LRRFIP2: variants seen among roughly 807,000 people sequenced by gnomAD.
LRRFIP2 encodes the protein LRR binding FLII interacting protein 2.
A neutral mutation model predicts 125.9 loss-of-function variants in LRRFIP2; 109 were observed. The ratio of observed to expected loss-of-function variants is 0.87; its 90% CI spans 0.74 to 1.01. LRRFIP2 has a LOEUF of 1.01. LRRFIP2 is among the 50% of genes least tolerant of loss of function. LRRFIP2 has a pLI of 0.00. For synonymous variants in LRRFIP2, 291 were observed against 293.1 expected, an observed-to-expected ratio of 0.99 and a Z score of 0.07; for missense variants, 850 against 862.3, an observed-to-expected ratio of 0.99 and a Z score of 0.18.
chr3:37,082,837 T>C (rs985545313), intron 19 of LRRFIP2, among the ~76,000 whole-genome samples: 2 of 152,232 alleles, frequency 1.3e-5, no homozygotes, highest in South Asian at 2.1e-4. Flanking sequence ...CTACAGGTTA[T>C]ATAAACAGCT....
intron 2 of LRRFIP2, among the ~76,000 whole-genome samples, chr3:37,146,923 C>T (rs1236627769): frequency 1.3e-5 from 2 of 151,916 alleles, no homozygotes. Flanking sequence ...TCAGAGTGAA[C>T]AGACAAGCTA....
chr3:37,114,931 G>T, intron 7 of LRRFIP2, 123 bp downstream of exon 7: 2 of 713,056 alleles, frequency 2.8e-6, no homozygotes, highest in South Asian at 1.9e-5. Context: ...TGCTTTGTTA[G>T]TCACACATTT....
At chr3:37,091,062 T>A (rs1294371711) in intron 18 of LRRFIP2, among the ~76,000 whole-genome samples, 1 of 152,162 alleles carries the variant, frequency 6.6e-6, no homozygotes. Flanking sequence ...CGGATATGCA[T>A]GTATTTTACA....
At chr3:37,154,170 T>C (rs966297685) in intron 1 of LRRFIP2, among the ~76,000 whole-genome samples, 5 of 152,110 alleles carry the variant, frequency 3.3e-5, no homozygotes, top group Non-Finnish European at 4.4e-5. Flanking sequence ...AGGGAGACCC[T>C]GTCTCAAAAA....
At chr3:37,130,826 A>G (rs2095409377) in intron 2 of LRRFIP2, among the ~76,000 whole-genome samples, 1 of 152,230 alleles carries the variant, frequency 6.6e-6, no homozygotes. Flanking sequence ...GAAGCCACAC[A>G]GTGCTTCCTT....
At chr3:37,058,965 T>C (rs2087726628) in intron 24 of LRRFIP2, 55 bp from the exon 25 acceptor site, 2 of 1,606,498 alleles carry the variant, frequency 1.2e-6, no homozygotes, top group African/African-American at 1.3e-5. Context: ...ATGAAGCCGA[T>C]GCTTATTCTA....
intron 21 of LRRFIP2, among the ~76,000 whole-genome samples, chr3:37,072,360 G>A (rs964632377): frequency 1.3e-5 from 2 of 151,894 alleles, no homozygotes; most frequent in African/African-American, 4.8e-5. Flanking sequence ...AAATTAGCTG[G>A]GCATGGTTGT....
intron 6 of LRRFIP2, 119 bp downstream of exon 6, chr3:37,121,373 T>C (rs75741550): frequency 0.044 from 40,231 of 904,836 alleles, 1,002 homozygotes; most frequent in Non-Finnish European, 0.045. Flanking sequence ...TTGCCAATAT[T>C]TTATACTTCT....
At chr3:37,094,432 C>T (rs976134283) in intron 17 of LRRFIP2, among the ~76,000 whole-genome samples, 4 of 152,178 alleles carry the variant, frequency 2.6e-5, no homozygotes, top group African/African-American at 4.8e-5. Flanking sequence ...GCTCAAAAGA[C>T]TAATAATTCC....
At chr3:37,163,380 T>C (rs2150280539) in intron 1 of LRRFIP2, among the ~76,000 whole-genome samples, 1 of 152,324 alleles carries the variant, frequency 6.6e-6, no homozygotes, top group South Asian at 2.1e-4. Flanking sequence ...TTCTAGCCAG[T>C]GGAATGCGGA....
chr3:37,070,608 C>A (rs1426541075), intron 21 of LRRFIP2, among the ~76,000 whole-genome samples: 3 of 152,030 alleles, frequency 2.0e-5, no homozygotes, highest in East Asian at 3.9e-4. Flanking sequence ...TGGTGGTGCA[C>A]ACCTGTAGTC....
At position 37,055,100 on chromosome 3, in the gene LRRFIP2, T is replaced by G; in HGVS notation, c.1936A>C (p.Thr646Pro). 6.3e-7 allele frequency: 1 copy of G among 1,593,736 alleles called. No individual in the cohort carries two copies. Among genetic ancestry groups the G allele is most frequent in the Non-Finnish European group, 8.5e-7 (1 of 1,171,838 alleles). ...KLSKAEQDITTLEQSISRLEG... is the reference protein window; with the variant it reads ...KLSKAEQDITPLEQSISRLEG... ...GAAGTACTTACACTTTGCTCCAAGG[T>G]AGTTATATCCTGTTCTGCTTTTGAA... Residue 646 changes from threonine (T) to proline (P), a missense_variant, in exon 26 of 28, where the codon ACC becomes CCC. Transcript: ENST00000336686.
intron 1 of LRRFIP2, among the ~76,000 whole-genome samples, chr3:37,165,721 A>G (rs907107084): frequency 7.9e-5 from 12 of 151,282 alleles, no homozygotes. Flanking sequence ...ACACCATTGC[A>G]CTCTAGCCCG....
intron 2 of LRRFIP2, among the ~76,000 whole-genome samples, chr3:37,134,081 C>A (rs1214192484): frequency 6.6e-6 from 1 of 151,444 alleles, no homozygotes; most frequent in East Asian, 1.9e-4. Flanking sequence ...ACTTGGGAGG[C>A]TGAGGCAGAA....
At chr3:37,103,535 C>A (rs1427562869) in intron 14 of LRRFIP2, among the ~76,000 whole-genome samples, 1 of 152,100 alleles carries the variant, frequency 6.6e-6, no homozygotes, top group East Asian at 1.9e-4. Context: ...ATAAACTATA[C>A]CGGCCTCTTT....
intron 14 of LRRFIP2, among the ~76,000 whole-genome samples, chr3:37,103,772 A>T (rs903669271): frequency 6.6e-6 from 1 of 152,082 alleles, no homozygotes; most frequent in Non-Finnish European, 1.5e-5. Context: ...AGTCCCTGAC[A>T]TTTCTTTCTT....
chr3:37,101,075 T>G (rs2149309168), intron 15 of LRRFIP2, among the ~76,000 whole-genome samples: 1 of 152,250 alleles, frequency 6.6e-6, no homozygotes, highest in Admixed American at 6.5e-5. Context: ...TAAGAAATGT[T>G]GGCTGGGCGC....
chr3:37,151,097 T>C (rs2096009209), intron 1 of LRRFIP2, among the ~76,000 whole-genome samples: 1 of 152,196 alleles, frequency 6.6e-6, no homozygotes, highest in African/African-American at 2.4e-5. Context: ...TGGTGGCTCA[T>C]GCCTGTAATA....
intron 1 of LRRFIP2, among the ~76,000 whole-genome samples, chr3:37,168,534 T>C (rs374812464): frequency 2.6e-5 from 4 of 152,312 alleles, no homozygotes; most frequent in Middle Eastern, 3.4e-3. Flanking sequence ...TGAGGTGATA[T>C]TGTTTAATGG....
Sources: gnomAD v4.1 joint callset for allele counts (sites outside exome capture counted in the v4.1 genomes callset) on GRCh38, gnomAD v4.1.1 for gene constraint, MANE v1.5 for transcripts, NCBI Gene and HGNC (gene_info 2026-07-23, HGNC 2026-07-21) for gene names.